The following CAST variants were observed in gnomAD, a reference collection of about 807,000 sequenced individuals.
CAST encodes MIR583 host.
Under a neutral mutation model 119.6 loss-of-function variants are expected in CAST, and 76 were observed. That is an observed-to-expected ratio of 0.64 (90% confidence interval 0.53 to 0.77). CAST has a LOEUF of 0.77. Among genes scored for constraint, CAST ranks in the 30% least tolerant of loss-of-function variants. The pLI is 0.00. For missense variants in CAST, 953 were observed against 946.5 expected (o/e 1.01, Z -0.09); for synonymous variants, 319 against 331.6 (o/e 0.96, Z 0.41).
At chr5:96,134,104 T>G in the CAST span, among the ~76,000 whole-genome samples, 256 of 152,238 alleles carry the variant, frequency 1.7e-3, 2 homozygotes, top group African/African-American at 5.9e-3. Flanking sequence ...TTGGTAACAA[T>G]TAATCACAAA....
At chr5:96,360,806 G>A in the CAST span, among the ~76,000 whole-genome samples, 2 of 152,220 alleles carry the variant, frequency 1.3e-5, no homozygotes, top group African/African-American at 4.8e-5. Context: ...GGAGGCACAG[G>A]GGTCAGGGAG....
the CAST span, among the ~76,000 whole-genome samples, chr5:95,976,505 T>C: frequency 6.6e-6 from 1 of 152,186 alleles, no homozygotes; most frequent in Non-Finnish European, 1.5e-5. Flanking sequence ...TTTTGAAATT[T>C]TTCTAACTTT....
chr5:96,260,481 A>G, the CAST span, among the ~76,000 whole-genome samples: 1 of 152,328 alleles, frequency 6.6e-6, no homozygotes, highest in East Asian at 1.9e-4. Context: ...TACCTTTGTG[A>G]AAGCTAAGGA....
the CAST span, among the ~76,000 whole-genome samples, chr5:96,342,597 C>T: frequency 0.24 from 36,132 of 152,110 alleles, 4,551 homozygotes; most frequent in Middle Eastern, 0.3. Context: ...TGTCAAAGGA[C>T]AGACCCTAAT....
chr5:96,029,690 T>G, the CAST span, among the ~76,000 whole-genome samples: 54 of 152,284 alleles, frequency 3.5e-4, no homozygotes, highest in African/African-American at 1.2e-3. Flanking sequence ...CAAGAAGTAC[T>G]GTATGAATCT....
the CAST span, among the ~76,000 whole-genome samples, chr5:96,161,774 T>C: frequency 6.6e-6 from 1 of 152,226 alleles, no homozygotes; most frequent in Admixed American, 6.5e-5. Flanking sequence ...CACTTATTTA[T>C]GTCTTTAATT....
chr5:96,501,576 C>A, the CAST span, among the ~76,000 whole-genome samples: 1 of 152,048 alleles, frequency 6.6e-6, no homozygotes, highest in African/African-American at 2.4e-5. Context: ...AAAAATTGAC[C>A]AGAGGAAAAT....
intron 9 of CAST, 57 bp downstream of exon 9, chr5:96,730,917 A>T: frequency 7.8e-7 from 1 of 1,287,004 alleles, no homozygotes; most frequent in Middle Eastern, 1.8e-4. Context: ...AGTTTCTTTT[A>T]TGAGAAACGT....
the CAST span, among the ~76,000 whole-genome samples, chr5:96,208,876 T>C: frequency 2.0e-4 from 30 of 152,154 alleles, no homozygotes; most frequent in South Asian, 5.0e-3. Context: ...TGAATATCTT[T>C]GTTAGTTTTC....
the CAST span, among the ~76,000 whole-genome samples, chr5:96,088,324 T>C: frequency 6.6e-6 from 1 of 152,206 alleles, no homozygotes; most frequent in African/African-American, 2.4e-5. Flanking sequence ...TCTAAGCCAC[T>C]GCTCTTTCTC....
chr5:96,083,824 C>T, the CAST span, among the ~76,000 whole-genome samples: 1 of 152,112 alleles, frequency 6.6e-6, no homozygotes, highest in Non-Finnish European at 1.5e-5. Flanking sequence ...TTTAATTGCC[C>T]ACGCAATAAA....
At chr5:96,205,617 C>T in the CAST span, among the ~76,000 whole-genome samples, 3 of 151,996 alleles carry the variant, frequency 2.0e-5, no homozygotes, top group South Asian at 6.2e-4. Context: ...GTCTCCTGCT[C>T]CATACATGTT....
the CAST span, among the ~76,000 whole-genome samples, chr5:96,006,878 C>G: frequency 6.6e-6 from 1 of 152,186 alleles, no homozygotes; most frequent in African/African-American, 2.4e-5. Flanking sequence ...GGAAACACCT[C>G]TCATACCCTG....
At chr5:96,219,049 G>A in the CAST span, among the ~76,000 whole-genome samples, 2 of 152,192 alleles carry the variant, frequency 1.3e-5, no homozygotes, top group Admixed American at 6.5e-5. Flanking sequence ...GAACAGCTAC[G>A]TAGTATATGC....
chr5:96,095,504 T>C, the CAST span, among the ~76,000 whole-genome samples: 1 of 134,994 alleles, frequency 7.4e-6, no homozygotes, highest in South Asian at 2.3e-4. Context: ...CAGGCTGCAG[T>C]GAGCTATTAT....
the CAST span, among the ~76,000 whole-genome samples, chr5:96,489,710 T>G: frequency 2.6e-5 from 4 of 152,128 alleles, no homozygotes; most frequent in African/African-American, 9.7e-5. Context: ...ATGTAGCTCT[T>G]CCTGTTTGCT....
At chr5:96,532,204 C>A (rs10062657) in intron 1 of CAST, among the ~76,000 whole-genome samples, 118,335 of 152,096 alleles carry the variant, frequency 0.78, 47,421 homozygotes, top group Non-Finnish European at 0.9. Context: ...TTATCAAAGA[C>A]ATAATGCAAG....
chr5:96,674,873 G>A (rs1013928708), intron 1 of CAST, among the ~76,000 whole-genome samples: 1 of 152,130 alleles, frequency 6.6e-6, no homozygotes, highest in African/African-American at 2.4e-5. Context: ...TAATTAACCT[G>A]ATTTGATCAT....
At chr5:96,601,810 T>G (rs1325553083) in intron 1 of CAST, among the ~76,000 whole-genome samples, 1 of 152,230 alleles carries the variant, frequency 6.6e-6, no homozygotes, top group African/African-American at 2.4e-5. Flanking sequence ...ATAATTAAAA[T>G]TTTTGTACAT....
Sources: allele counts gnomAD v4.1 joint callset (sites outside exome capture counted in the v4.1 genomes callset), GRCh38; gene constraint gnomAD v4.1.1; transcripts MANE v1.5; gene names NCBI Gene and HGNC (gene_info 2026-07-23, HGNC 2026-07-21).